C12orf42: variants seen among roughly 807,000 people sequenced by gnomAD.
C12orf42 encodes chromosome 12 open reading frame 42, also known as uncharacterized protein C12orf42.
In C12orf42, 25 loss-of-function variants were observed where a neutral mutation model predicts 21.6. The observed-to-expected ratio is 1.16, with a 90% confidence interval of 0.84 to 1.62. C12orf42 has a LOEUF of 1.62. Among genes scored for constraint, C12orf42 ranks in the 40% most tolerant of loss-of-function variants. The pLI, the probability that C12orf42 is intolerant of heterozygous loss-of-function variation, is 0.00. For missense variants in C12orf42, 483 were observed against 459.3 expected (o/e 1.05, Z -0.47); for synonymous variants, 174 against 175.0 (o/e 0.99, Z 0.05).
chr12:103,489,947 T>C (rs1955086409), intron 1 of C12orf42, among the ~76,000 whole-genome samples: 1 of 152,182 alleles, frequency 6.6e-6, no homozygotes, highest in Admixed American at 6.5e-5. Flanking sequence ...TCACCCTCCA[T>C]GGGCTGCACC....
chr12:103,197,966 C>A, the C12orf42 span, among the ~76,000 whole-genome samples: 11 of 152,146 alleles, frequency 7.2e-5, no homozygotes, highest in Admixed American at 5.9e-4. Context: ...AGTCCACTGA[C>A]AATAACATTC....
At chr12:103,228,691 A>C in the C12orf42 span, among the ~76,000 whole-genome samples, 1 of 151,970 alleles carries the variant, frequency 6.6e-6, no homozygotes, top group Non-Finnish European at 1.5e-5. Flanking sequence ...ACAAATGTAA[A>C]TTTACATATT....
the C12orf42 span, among the ~76,000 whole-genome samples, chr12:103,154,100 A>T: frequency 1.3e-5 from 2 of 150,924 alleles, no homozygotes; most frequent in Admixed American, 1.3e-4. Flanking sequence ...ATATGGTTCC[A>T]TTTTCGTAAA....
chr12:103,278,210 T>C (rs947676034), intron 4 of C12orf42, among the ~76,000 whole-genome samples: 3 of 152,174 alleles, frequency 2.0e-5, no homozygotes, highest in East Asian at 1.9e-4. Context: ...GGGGGCTATG[T>C]CTACCAGATG....
intron 2 of C12orf42, among the ~76,000 whole-genome samples, chr12:103,458,021 A>G (rs1442942432): frequency 2.6e-5 from 4 of 152,200 alleles, no homozygotes; most frequent in Admixed American, 2.6e-4. Flanking sequence ...AATTAAAACT[A>G]CACAACTCCA....
At chr12:103,530,365 G>A in the C12orf42 span, among the ~76,000 whole-genome samples, 2 of 152,178 alleles carry the variant, frequency 1.3e-5, no homozygotes, top group South Asian at 4.2e-4. Context: ...AGGCGTGCTG[G>A]AGACTTTGGG....
chr12:103,490,796 GT>G (rs1369111681), intron 1 of C12orf42, among the ~76,000 whole-genome samples: 2 of 151,702 alleles, frequency 1.3e-5, no homozygotes, highest in South Asian at 2.1e-4. Context: ...ATAAGGAGTA[GT>G]TTTATAATAC....
At chr12:103,142,082 A>G in the C12orf42 span, among the ~76,000 whole-genome samples, 3 of 152,176 alleles carry the variant, frequency 2.0e-5, no homozygotes, top group Non-Finnish European at 4.4e-5. Flanking sequence ...TTCCTTTTAC[A>G]TGACATTGTC....
chr12:103,358,954 T>A lies in C12orf42; in HGVS notation c.259+9933A>T, dbSNP rs571161897. ...CCCAGAATAAATCCAAAACTCCCCATTGTAACCTAGAAAGTTCTTCATAGT... is the reference window on the plus strand; with the variant it reads ...CCCAGAATAAATCCAAAACTCCCCAATGTAACCTAGAAAGTTCTTCATAGT... On this transcript the variant is annotated intron_variant, in intron 4 of 5. Coordinates refer to ENST00000548883, the MANE Select transcript of C12orf42 (RefSeq NM_198521.5). 2.0e-5 allele frequency among the ~76,000 whole-genome samples: 3 copies of A among 152,234 alleles called. No individual in the cohort carries two copies. The South Asian group carries it at 6.2e-4, about 32-fold the overall frequency.
chr12:103,474,638 T>A (rs1257889061), intron 2 of C12orf42, among the ~76,000 whole-genome samples: 3 of 152,190 alleles, frequency 2.0e-5, no homozygotes, highest in Admixed American at 2.0e-4. Context: ...ACCAGAAACA[T>A]AGCTCTGGCT....
chr12:103,246,859 T>C (rs2136183859), intron 10 of C12orf42, among the ~76,000 whole-genome samples: 1 of 152,200 alleles, frequency 6.6e-6, no homozygotes, highest in Non-Finnish European at 1.5e-5. Flanking sequence ...TTATTGTAGG[T>C]AGAAGGAAAC....
chr12:103,350,492 A>G (rs1263940433), intron 4 of C12orf42, among the ~76,000 whole-genome samples: 2 of 152,160 alleles, frequency 1.3e-5, no homozygotes, highest in Non-Finnish European at 2.9e-5. Context: ...GTAAGGTTAT[A>G]ATTGTTCTAT....
At chr12:103,177,437 G>A in the C12orf42 span, among the ~76,000 whole-genome samples, 7 of 152,280 alleles carry the variant, frequency 4.6e-5, no homozygotes, top group South Asian at 1.4e-3. Context: ...TACCCTTTCT[G>A]ACTCCAGGTT....
At chr12:103,318,947 AC>A (rs2039808477) in intron 4 of C12orf42, among the ~76,000 whole-genome samples, 1 of 152,202 alleles carries the variant, frequency 6.6e-6, no homozygotes, top group Admixed American at 6.5e-5. Context: ...TAAATGATTA[AC>A]TTATGTCAAC....
the C12orf42 span, among the ~76,000 whole-genome samples, chr12:103,171,508 T>C: frequency 6.6e-6 from 1 of 152,122 alleles, no homozygotes; most frequent in African/African-American, 2.4e-5. Context: ...ACTCTCACAA[T>C]TGATTGGATC....
At chr12:103,062,961 T>A in the C12orf42 span, among the ~76,000 whole-genome samples, 1 of 152,196 alleles carries the variant, frequency 6.6e-6, no homozygotes, top group Non-Finnish European at 1.5e-5. Context: ...CGAAAAATGC[T>A]AAGGAGTCTA....
At chr12:103,423,986 T>C (rs1445989233) in intron 2 of C12orf42, among the ~76,000 whole-genome samples, 2 of 152,264 alleles carry the variant, frequency 1.3e-5, no homozygotes, top group East Asian at 1.9e-4. Flanking sequence ...AAATGCATGA[T>C]GCTATTTATT....
At chr12:103,216,253 C>T in the C12orf42 span, among the ~76,000 whole-genome samples, 8 of 152,112 alleles carry the variant, frequency 5.3e-5, no homozygotes, top group Non-Finnish European at 8.8e-5. Flanking sequence ...AGTATGGATT[C>T]GCTTCTTTGC....
chr12:103,355,465 A>C (rs1268729329), intron 4 of C12orf42, among the ~76,000 whole-genome samples: 10 of 152,130 alleles, frequency 6.6e-5, no homozygotes, highest in Non-Finnish European at 1.0e-4. Context: ...ATCTGAAAGG[A>C]AGATGATCAT....
Sources: gnomAD v4.1 joint callset for allele counts (sites outside exome capture counted in the v4.1 genomes callset) on GRCh38, gnomAD v4.1.1 for gene constraint, MANE v1.5 for transcripts, NCBI Gene and HGNC (gene_info 2026-07-23, HGNC 2026-07-21) for gene names.